Variants in ZNF816 observed in about 807,000 individuals in gnomAD.
The protein encoded by ZNF816 is zinc finger protein 816A.
In ZNF816, 11 loss-of-function variants were observed where a neutral mutation model predicts 8.3. The ratio of observed to expected loss-of-function variants is 1.32; its 90% CI spans 0.83 to 2.19. The LOEUF (loss-of-function observed/expected upper bound fraction) is 2.19, where lower values mean the gene tolerates loss of function less well. Among genes scored for constraint, ZNF816 ranks in the 30% most tolerant of loss-of-function variants. The probability of loss-of-function intolerance (pLI) is 0.00; values close to 1 mark genes in which losing one functional copy is unlikely to be tolerated. For missense variants in ZNF816, 710 were observed against 779.3 expected (o/e 0.91, Z 1.06); for synonymous variants, 255 against 254.5 (o/e 1.00, Z -0.02).
chr19:52,949,550 G>A lies in ZNF816; in HGVS notation c.*269C>T, dbSNP rs1437931279. ...ATGTCTAATGAGGTGTGAACATGAAGTAAAGGCTTTGCCACAATCATCACA... is the reference window on the plus strand; with the variant it reads ...ATGTCTAATGAGGTGTGAACATGAAATAAAGGCTTTGCCACAATCATCACA... On this transcript the variant is annotated 3_prime_UTR_variant, in exon 4 of 4. Coordinates refer to ENST00000444460, the MANE Select transcript of ZNF816 (RefSeq NM_001202457.3). 1 of 675,868 alleles carries A rather than the reference G, an allele frequency of 1.5e-6. No individual in the cohort carries two copies. Among genetic ancestry groups the A allele is most frequent in the African/African-American group, 1.8e-5 (1 of 56,940 alleles). 41.9% of individuals were successfully genotyped at this position (675,868 alleles called of 1,614,324 possible).
chr19:52,955,910 G>T, intron 2 of ZNF816, 117 bp downstream of exon 2: 1 of 1,320,282 alleles, frequency 7.6e-7, no homozygotes, highest in South Asian at 1.4e-5. Flanking sequence ...AGACACGGGT[G>T]AGTGCGAGCA....
At chr19:52,954,635 G>T (rs1360419005) in intron 2 of ZNF816, among the ~76,000 whole-genome samples, 4 of 152,092 alleles carry the variant, frequency 2.6e-5, no homozygotes, top group East Asian at 1.9e-4. Flanking sequence ...GACCAGCCTG[G>T]CCAACATGGT....
At position 52,951,351 on chromosome 19, in the gene ZNF816, T is replaced by G; in HGVS notation, c.424A>C (p.Ser142Arg). The G allele has an allele frequency of 1.9e-6, 3 of 1,614,204 alleles. No individual in the cohort carries two copies. The highest frequency in any genetic ancestry group is 2.5e-6 in the Non-Finnish European group (3 of 1,180,016). ...TTGTTTCCAGCATGCCTGTGATCACTTCGGTCTGTACTACCAGTCAACTTT... is the reference window on the plus strand; with the variant it reads ...TTGTTTCCAGCATGCCTGTGATCACGTCGGTCTGTACTACCAGTCAACTTT... The part of the protein sequence containing the change: ...IKKLTGSTDR[S>R]DHRHAGNKPI... Residue 142 changes from serine to arginine, a missense_variant, in exon 4 of 4, where the codon AGT (serine) becomes CGT (arginine). By Grantham distance (110) the Ser-to-Arg change is moderately radical. Transcript: ENST00000444460.
At chr19:52,961,611 C>G (rs10415443) in intron 1 of ZNF816, among the ~76,000 whole-genome samples, 74,829 of 152,126 alleles carry the variant, frequency 0.49, 22,094 homozygotes, top group African/African-American at 0.83. Flanking sequence ...GTAATCCTGA[C>G]GGTCAATAGG....
At position 52,950,517 on chromosome 19, in the gene ZNF816, T is replaced by G; in HGVS notation, c.1258A>C (p.Thr420Pro). The G allele has an allele frequency of 1.9e-6, 3 of 1,613,274 alleles. No homozygotes were observed. The highest frequency in any genetic ancestry group is 1.7e-6 in the Non-Finnish European group (2 of 1,179,588). ...SHLERHRKIH[T>P]GEGSYKCKVC... ...TTACATTTGTATGATCCCTCTCCAG[T>G]ATGAATCTTCCTATGTCTTTCAAGG... Residue 420 changes from threonine to proline, a missense_variant, in exon 4 of 4, where the codon ACT becomes CCT. Transcript: ENST00000444460.
rs146404860 is a variant in ZNF816 at position 52,960,883 on chromosome 19, G to A, written c.-16+1844C>T. On this transcript the variant is annotated intron_variant, in intron 1 of 3. Transcript: ENST00000444460. ...GACCCTGAAGAAGACGACAAGCCCT[G>A]CTCCAGTCACACCCGGAAGCTGACT... Among the ~76,000 whole-genome samples the A allele has an allele frequency of 6.0e-3, 916 of 152,290 alleles. 3 individuals carry two copies. The highest frequency in any genetic ancestry group is 0.018 in the African/African-American group (731 of 41,564).
intron 2 of ZNF816, among the ~76,000 whole-genome samples, chr19:52,954,487 G>A (rs1420932960): frequency 6.6e-6 from 1 of 152,002 alleles, no homozygotes; most frequent in Admixed American, 6.6e-5. Context: ...TTTCTACCTT[G>A]GAAACATGAA....
At chr19:52,958,549 C>T (rs905005618) in intron 1 of ZNF816, among the ~76,000 whole-genome samples, 5 of 152,256 alleles carry the variant, frequency 3.3e-5, no homozygotes, top group South Asian at 2.1e-4. Context: ...TGCTCCAGTA[C>T]GTTGATGACC....
Position 52,951,354 on chromosome 19 carries a change from G to C in ZNF816, c.421C>G (p.Arg141Gly). 6.2e-7 allele frequency: 1 copy of C among 1,614,114 alleles called. No individual in the cohort carries two copies. Among genetic ancestry groups the C allele is most frequent in the South Asian group, 1.1e-5 (1 of 91,078 alleles). ...KIKKLTGSTD[R>G]SDHRHAGNKP... ...TTTCCAGCATGCCTGTGATCACTTC[G>C]GTCTGTACTACCAGTCAACTTTTTG... The change falls in exon 4 of 4, where the codon CGA (arginine) becomes GGA (glycine). Residue 141 changes from arginine to glycine, a missense_variant. Transcript: ENST00000444460.
chr19:52,949,761 A>G lies in ZNF816; in HGVS notation c.*58T>C. ...TTACACTTGTAGATCTCTCTTCAAT[A>G]TGGATTCTGTAATGATTTGCAATGG... is the stretch of plus-strand genomic sequence containing the variant. On this transcript the variant is annotated 3_prime_UTR_variant, in exon 4 of 4. Coordinates refer to ENST00000444460, the MANE Select transcript of ZNF816 (RefSeq NM_001202457.3). 6.2e-7 allele frequency: 1 copy of G among 1,609,302 alleles called. No individual in the cohort carries two copies. The highest frequency in any genetic ancestry group is 8.5e-7 in the Non-Finnish European group (1 of 1,177,490).
At position 52,949,890 on chromosome 19, in the gene ZNF816, C is replaced by T. The variant is rs1300531137; in HGVS notation, c.1885G>A (p.Ala629Thr). 6.2e-7 allele frequency: 1 copy of T among 1,613,750 alleles called. No individual in the cohort carries two copies. Among genetic ancestry groups the T allele is most frequent in the Non-Finnish European group, 8.5e-7 (1 of 1,179,822 alleles). ...KPYKCNECGK[A>T]FTGQSTLIHH... ...ATAAGTGTTGACTGTCCAGTAAAGGCTTTGCCACACTCATTACACTTGTAA... is the reference window on the plus strand; with the variant it reads ...ATAAGTGTTGACTGTCCAGTAAAGGTTTTGCCACACTCATTACACTTGTAA... The change falls in exon 4 of 4, where the codon GCC becomes ACC. Residue 629 changes from alanine (A) to threonine (T), a missense_variant. By Grantham distance (58) the Ala-to-Thr change is moderately conservative. Transcript: ENST00000444460.
At position 52,957,899 on chromosome 19, in the gene ZNF816, C is replaced by T. The variant is rs1262138446; in HGVS notation, c.-15-1795G>A. Among the ~76,000 whole-genome samples the T allele has an allele frequency of 6.6e-6, 1 of 152,094 alleles. No individual in the cohort carries two copies. The highest frequency in any genetic ancestry group is 1.5e-5 in the Non-Finnish European group (1 of 68,010). ...GGGAGTCATTATGGCCCTTACAGTC[C>T]CCCAGGAAGAGGAATGGAGACTTCT... On this transcript the variant is annotated intron_variant, in intron 1 of 3. Transcript: ENST00000444460. This position sits in a 1 kb window ranked among gnomAD's most constrained non-coding sequence, Gnocchi z 4.6.
intron 3 of ZNF816, chr19:52,952,457 G>A (rs1207506741): frequency 2.1e-6 from 1 of 487,256 alleles, no homozygotes; most frequent in Non-Finnish European, 3.6e-6. Context: ...TCGTATCCTG[G>A]GCCATGCTGA....
chr19:52,955,926 G>A lies in ZNF816; in HGVS notation c.63+101C>T, dbSNP rs2083506266. Reference sequence around the variant, plus strand: ...GACACGGGTGAGTGCGAGCAAACGTGTGATGTAGAATGCTTCACACTCAGA... The same window carrying A: ...GACACGGGTGAGTGCGAGCAAACGTATGATGTAGAATGCTTCACACTCAGA... On this transcript the variant is annotated intron_variant, in intron 2 of 3. Coordinates refer to ENST00000444460, the MANE Select transcript of ZNF816 (RefSeq NM_001202457.3). 2.8e-6 allele frequency: 4 copies of A among 1,448,762 alleles called. No individual in the cohort carries two copies. In the East Asian group the frequency reaches 6.9e-5, roughly 25 times the overall value. 89.7% of individuals were successfully genotyped at this position (1,448,762 alleles called of 1,614,324 possible). A position where few individuals can be genotyped will look rare whatever the true frequency, so the allele number is the denominator to read the frequency against.
Position 52,951,019 on chromosome 19 carries a change from T to A in ZNF816, c.756A>T (p.Ser252=). ...SLLRRHHITH[S]REREYKCDVC... ...CATCACATTTATATTCTCTCTCTCT[T>A]GAATGGGTTATGTGGTGTCTCCTTA... is the stretch of plus-strand genomic sequence containing the variant. Residue 252 remains serine, a synonymous_variant, in exon 4 of 4, where the codon TCA becomes TCT. Coordinates refer to ENST00000444460, the MANE Select transcript of ZNF816 (RefSeq NM_001202457.3). 6.2e-7 allele frequency: 1 copy of A among 1,613,964 alleles called. No homozygotes were observed. The highest frequency in any genetic ancestry group is 1.1e-5 in the South Asian group (1 of 91,074).
chr19:52,962,537 C>G (rs887301282), intron 1 of ZNF816, among the ~76,000 whole-genome samples, 190 bp downstream of exon 1: 1 of 152,092 alleles, frequency 6.6e-6, no homozygotes, highest in Non-Finnish European at 1.5e-5. Flanking sequence ...GCGCTCTTGC[C>G]CAGGGCAAGA....
chr19:52,951,771 G>T (rs1236014254), intron 3 of ZNF816, 187 bp from the exon 4 acceptor site: 2 of 581,592 alleles, frequency 3.4e-6, no homozygotes, highest in Non-Finnish European at 5.6e-6. Flanking sequence ...GGTGGTGGGT[G>T]CCTGTAATCC....
chr19:52,951,380 AT>A lies in ZNF816; in HGVS notation c.394del (p.Ile132SerfsTer4). On this transcript the variant is annotated frameshift_variant, in exon 4 of 4. Transcript: ENST00000444460. LOFTEE classifies it low-confidence loss of function (END_TRUNC). ...RNGHEAPMTKIKKLTGSTDRS... is the reference protein window; with the variant it reads ...RNGHEAPMTKXKKLTGSTDRS... ...GTCTGTACTACCAGTCAACTTTTTG[AT>A]TTTTGTCATGGGTGCTTCATGGCCA... 1 of 1,613,968 alleles carries A rather than the reference AT, an allele frequency of 6.2e-7. No individual in the cohort carries two copies. The highest frequency in any genetic ancestry group is 8.5e-7 in the Non-Finnish European group (1 of 1,179,948).
chr19:52,953,949 G>A (rs892555007), intron 2 of ZNF816, among the ~76,000 whole-genome samples: 1 of 141,190 alleles, frequency 7.1e-6, no homozygotes, highest in African/African-American at 2.8e-5. Context: ...GCTGAAACAG[G>A]AAAATCGCCT....
Sources: allele counts gnomAD v4.1 joint callset (sites outside exome capture counted in the v4.1 genomes callset), GRCh38; gene constraint gnomAD v4.1.1; non-coding constraint Gnocchi (gnomAD v3.1); transcripts MANE v1.5; gene names NCBI Gene and HGNC (gene_info 2026-07-23, HGNC 2026-07-21).